Variants in PDE4DIP observed in about 807,000 individuals in gnomAD.
PDE4DIP encodes the protein myomegalin.
PDE4DIP carries 59 observed loss-of-function variants against 221.4 expected under a neutral mutation model. That is an observed-to-expected ratio of 0.27 (90% CI 0.22 to 0.33). The LOEUF (loss-of-function observed/expected upper bound fraction) is 0.33. PDE4DIP is among the 10% of genes least tolerant of loss of function. The probability of loss-of-function intolerance (pLI) is 1.00; values close to 1 mark genes in which losing one functional copy is unlikely to be tolerated. For missense variants in PDE4DIP, 1,036 were observed against 2,154.2 expected (o/e 0.48, Z 10.28); for synonymous variants, 404 against 815.9 (o/e 0.50, Z 8.60).
At chr1:148,866,598 AAGGAAGGAAGGG>A (rs1260874741) in intron 2 of PDE4DIP, 3 of 39,082 alleles carry the variant, frequency 7.7e-5, no homozygotes, top group Non-Finnish European at 1.4e-4. Flanking sequence ...GGAAGGAAGG[AAGGAAGGAAGGG>A]AGGGAGGGAG....
At chr1:149,031,986 C>A (rs782302042) in exon 44 of PDE4DIP, 17 of 1,609,700 alleles carry the variant, frequency 1.1e-5, no homozygotes, top group Non-Finnish European at 1.4e-5. Context: ...AGCCTTGTGA[C>A]CCTTGCCTTC....
intron 13 of PDE4DIP, 119 bp from the exon 17 acceptor site, chr1:148,968,717 G>C (rs2058639942): frequency 6.2e-6 from 4 of 640,468 alleles, no homozygotes; most frequent in Non-Finnish European, 1.1e-5. Flanking sequence ...AGTAAAACAT[G>C]ATACTTATTC....
Position 148,994,692 on chromosome 1 carries a change from C to A in PDE4DIP, c.2904+2719C>A, listed in dbSNP as rs1319245598. Among the ~76,000 whole-genome samples the A allele has an allele frequency of 2.0e-5, 3 of 151,698 alleles. No individual in the cohort carries two copies. In the East Asian group the frequency reaches 5.8e-4, roughly 29 times the overall value. On this transcript the variant is annotated intron_variant, in intron 22 of 43. Coordinates refer to ENST00000369354, the Ensembl canonical transcript of PDE4DIP. ...GATGGTGAAACATTGAAAATTTACT[C>A]TTATTTTGAAATATACATTTTATTG... is the stretch of plus-strand genomic sequence containing the variant.
intron 19 of PDE4DIP, 44 bp from the exon 23 acceptor site, chr1:148,979,693 C>T: frequency 1.9e-6 from 3 of 1,561,890 alleles, no homozygotes; most frequent in Non-Finnish European, 2.6e-6. Context: ...ATTCATGTCT[C>T]ACTGTGCCAT....
In PDE4DIP at chr1:149,017,853, G is replaced by A. The variant is rs376806138; in HGVS notation, c.5624G>A (p.Arg1875Gln). The change falls in exon 34 of 44, where the codon CGG becomes CAG. Residue 1875 changes from arginine to glutamine, a missense_variant. Coordinates refer to ENST00000369354, the Ensembl canonical transcript of PDE4DIP. ...CGCCTACGGGAGCAACTGGAACACC[G>A]GCTGACCTCTACTGCTCGTGGAAGG... 1.3e-5 allele frequency: 21 copies of A among 1,613,440 alleles called. No homozygotes were observed. In the South Asian group the frequency reaches 1.6e-4, roughly 13 times the overall value.
chr1:148,984,902 T>C (rs1234731604), intron 21 of PDE4DIP: 1 of 152,038 alleles, frequency 6.6e-6, no homozygotes, highest in East Asian at 1.9e-4. Context: ...AGTCACAAAA[T>C]CTTGACATTT....
chr1:148,978,341 G>A (rs1553539460), exon 19 of PDE4DIP: 4 of 1,612,814 alleles, frequency 2.5e-6, no homozygotes, highest in Non-Finnish European at 2.5e-6. Context: ...GACCCAGGAA[G>A]TCTTACTTCT....
intron 21 of PDE4DIP, chr1:148,981,621 A>G (rs1213293796): frequency 1.8e-5 from 9 of 511,756 alleles, no homozygotes; most frequent in African/African-American, 7.7e-5. Context: ...CTGTACATAC[A>G]TATCAATCCC....
chr1:148,981,457 C>T, intron 21 of PDE4DIP, 60 bp downstream of exon 24: 1 of 1,606,946 alleles, frequency 6.2e-7, no homozygotes, highest in African/African-American at 1.3e-5. Flanking sequence ...ACTGGCGGGT[C>T]AGACTGCAGC....
chr1:149,015,034 T>C (rs1447490482), intron 32 of PDE4DIP, among the ~76,000 whole-genome samples: 2 of 152,058 alleles, frequency 1.3e-5, no homozygotes, highest in African/African-American at 4.8e-5. Flanking sequence ...ATGTATTTGT[T>C]GCATTCCTTC....
chr1:148,919,362 T>G (rs2044905953), intron 1 of PDE4DIP, among the ~76,000 whole-genome samples: 1 of 151,020 alleles, frequency 6.6e-6, no homozygotes, highest in South Asian at 2.1e-4. Flanking sequence ...ACACAGGGAG[T>G]TAATGTTAGC....
chr1:149,031,812 G>T lies in PDE4DIP; in HGVS notation c.7000-132G>T. 3 of 810,366 alleles carry T rather than the reference G, an allele frequency of 3.7e-6. No individual in the cohort carries two copies. The South Asian group carries it at 4.4e-5, about 12-fold the overall frequency. The allele number at this position is 810,366 out of a possible 1,614,324, so 50.2% of individuals were successfully genotyped here. A position where few individuals can be genotyped will look rare whatever the true frequency, so the allele number is the denominator to read the frequency against. ...CTCCAGACTGCAGCGCATGCTCTTA[G>T]CTCATCCTCTTAACTGGCTCTCACC... is the stretch of plus-strand genomic sequence containing the variant. On this transcript the variant is annotated intron_variant, in intron 43 of 43. Coordinates refer to ENST00000369354, the Ensembl canonical transcript of PDE4DIP.
intron 1 of PDE4DIP, among the ~76,000 whole-genome samples, chr1:148,822,479 C>T (rs1468809881): frequency 2.4e-4 from 36 of 150,092 alleles, no homozygotes; most frequent in Admixed American, 4.0e-4. Context: ...TCTAGGTTGC[C>T]TGCTTCTTAC....
intron 4 of PDE4DIP, among the ~76,000 whole-genome samples, chr1:148,933,067 T>C (rs2048425967): frequency 6.6e-6 from 1 of 152,116 alleles, no homozygotes; most frequent in Admixed American, 6.5e-5. Flanking sequence ...GAAATACATT[T>C]CCGTTGTTTA....
intron 33 of PDE4DIP, among the ~76,000 whole-genome samples, chr1:149,016,987 T>C (rs1326068088): frequency 6.6e-6 from 1 of 152,232 alleles, no homozygotes; most frequent in Non-Finnish European, 1.5e-5. Context: ...TGGAGAGGTA[T>C]AGCTAAGCTC....
chr1:149,011,014 A>C (rs1462450395), intron 31 of PDE4DIP, among the ~76,000 whole-genome samples: 2 of 149,396 alleles, frequency 1.3e-5, no homozygotes, highest in African/African-American at 5.0e-5. Flanking sequence ...TGCTACTTGT[A>C]GCCAAGGATG....
At chr1:149,015,917 A>G (rs1380441590) in intron 32 of PDE4DIP, among the ~76,000 whole-genome samples, 12 of 150,828 alleles carry the variant, frequency 8.0e-5, no homozygotes, top group Non-Finnish European at 1.6e-4. Context: ...GTTCACAGGT[A>G]AGCTCAATCC....
intron 9 of PDE4DIP, among the ~76,000 whole-genome samples, chr1:148,963,970 G>T (rs1308871873): frequency 6.6e-6 from 1 of 151,402 alleles, no homozygotes; most frequent in African/African-American, 2.4e-5. Flanking sequence ...GTGTTAGCCA[G>T]GATGGTCTCG....
intron 5 of PDE4DIP, among the ~76,000 whole-genome samples, chr1:148,945,997 G>A (rs1224843977): frequency 6.8e-6 from 1 of 146,572 alleles, no homozygotes; most frequent in African/African-American, 2.5e-5. Flanking sequence ...GATATGGAAT[G>A]GAGGTGGGTA....
Sources: allele counts gnomAD v4.1 joint callset (sites outside exome capture counted in the v4.1 genomes callset), GRCh38; gene constraint gnomAD v4.1.1; transcripts MANE v1.5; gene names NCBI Gene and HGNC (gene_info 2026-07-23, HGNC 2026-07-21).